EPC2: variants seen among roughly 807,000 people sequenced by gnomAD.
EPC2 encodes the protein enhancer of polycomb 2.
Under a neutral mutation model 92.1 loss-of-function variants are expected in EPC2, and 14 were observed. The observed-to-expected ratio is 0.15, with a 90% CI of 0.10 to 0.24. EPC2 has a LOEUF of 0.24. EPC2 is among the 10% of genes least tolerant of loss of function. The probability of loss-of-function intolerance (pLI) is 1.00; values close to 1 mark genes in which losing one functional copy is unlikely to be tolerated. For missense variants in EPC2, 755 were observed against 971.5 expected, an observed-to-expected ratio of 0.78 and a Z score of 2.96; for synonymous variants, 340 against 334.7, an observed-to-expected ratio of 1.02 and a Z score of -0.17.
chr2:148,710,850 T>G (rs765640586), intron 2 of EPC2, among the ~76,000 whole-genome samples: 59 of 152,074 alleles, frequency 3.9e-4, no homozygotes, highest in Non-Finnish European at 7.1e-4. Context: ...CTGTTGTGGG[T>G]TGGGGGGAGT....
chr2:148,739,388 G>T (rs889988452), intron 2 of EPC2, among the ~76,000 whole-genome samples: 1 of 151,908 alleles, frequency 6.6e-6, no homozygotes, highest in Non-Finnish European at 1.5e-5. Flanking sequence ...TTTTGGCCCT[G>T]GAAAATTTTC....
At chr2:148,701,667 T>G (rs1373254985) in intron 2 of EPC2, among the ~76,000 whole-genome samples, 5 of 152,212 alleles carry the variant, frequency 3.3e-5, no homozygotes, top group African/African-American at 1.2e-4. Context: ...TGTATGTTCA[T>G]GAGAGCTATT....
intron 4 of EPC2, among the ~76,000 whole-genome samples, chr2:148,757,047 G>GA (rs1316782541): frequency 6.6e-6 from 1 of 152,172 alleles, no homozygotes; most frequent in African/African-American, 2.4e-5. Flanking sequence ...TAGAAGAATA[G>GA]AAAAAATGTC....
At chr2:148,646,626 G>A (rs765928781) in intron 1 of EPC2, among the ~76,000 whole-genome samples, 1 of 149,090 alleles carries the variant, frequency 6.7e-6, no homozygotes, top group African/African-American at 2.5e-5. Context: ...TGTTTCTAAC[G>A]ACTCAGTTTT....
intron 1 of EPC2, among the ~76,000 whole-genome samples, chr2:148,646,442 A>C (rs888544869): frequency 6.6e-6 from 1 of 152,152 alleles, no homozygotes; most frequent in Non-Finnish European, 1.5e-5. Flanking sequence ...GGATGAACTT[A>C]ACTGTGTGTG....
At chr2:148,660,415 C>T (rs1680907614) in intron 1 of EPC2, among the ~76,000 whole-genome samples, 2 of 152,020 alleles carry the variant, frequency 1.3e-5, no homozygotes, top group South Asian at 4.1e-4. Flanking sequence ...TTTTCCAAAA[C>T]AAGAGAATTT....
At chr2:148,728,715 G>A (rs1682552304) in intron 2 of EPC2, among the ~76,000 whole-genome samples, 1 of 151,676 alleles carries the variant, frequency 6.6e-6, no homozygotes, top group African/African-American at 2.4e-5. Context: ...GGGTGACAAA[G>A]TGAGGCCTTT....
intron 1 of EPC2, among the ~76,000 whole-genome samples, chr2:148,675,843 G>A (rs1049992721): frequency 1.3e-5 from 2 of 152,202 alleles, no homozygotes; most frequent in Admixed American, 1.3e-4. Flanking sequence ...CATTCAGTCA[G>A]CTATCTTTAG....
intron 2 of EPC2, among the ~76,000 whole-genome samples, chr2:148,714,931 T>G (rs530393126): frequency 6.6e-6 from 1 of 152,238 alleles, no homozygotes; most frequent in East Asian, 1.9e-4. Flanking sequence ...ATTTGTCAAG[T>G]TTTGCTTTTG....
chr2:148,727,531 T>G (rs1682523404), intron 2 of EPC2, among the ~76,000 whole-genome samples: 1 of 152,160 alleles, frequency 6.6e-6, no homozygotes, highest in Non-Finnish European at 1.5e-5. Context: ...TTCTATGACA[T>G]ATTTATTATT....
At chr2:148,676,416 G>A (rs75866717) in intron 1 of EPC2, among the ~76,000 whole-genome samples, 2,136 of 151,672 alleles carry the variant, frequency 0.014, 51 homozygotes, top group African/African-American at 0.049. Flanking sequence ...CAATTAAAAT[G>A]CAATATTTTT....
At chr2:148,722,591 T>C (rs925834736) in intron 2 of EPC2, among the ~76,000 whole-genome samples, 1 of 152,184 alleles carries the variant, frequency 6.6e-6, no homozygotes, top group African/African-American at 2.4e-5. Context: ...GTAAATTAGT[T>C]CAGCCATTGT....
At chr2:148,777,507 T>C (rs1270536964) in intron 10 of EPC2, among the ~76,000 whole-genome samples, 3 of 149,396 alleles carry the variant, frequency 2.0e-5, no homozygotes, top group African/African-American at 7.3e-5. Flanking sequence ...TAGATTGTTC[T>C]TTTTGTTTGT....
intron 2 of EPC2, among the ~76,000 whole-genome samples, chr2:148,700,531 T>C (rs758110091): frequency 2.3e-4 from 27 of 119,640 alleles, no homozygotes; most frequent in Admixed American, 4.8e-4. Flanking sequence ...TTGTCAAAGA[T>C]CTTTTGTCAA....
intron 13 of EPC2, 114 bp from the exon 14 acceptor site, chr2:148,786,191 G>A: frequency 1.2e-6 from 1 of 843,198 alleles, no homozygotes; most frequent in South Asian, 2.0e-5. Flanking sequence ...AATTGTTCTT[G>A]TGAAGTCATG....
intron 2 of EPC2, among the ~76,000 whole-genome samples, chr2:148,726,765 G>GTTTTTTTTTTTTTTTT (rs201293391): frequency 5.0e-5 from 5 of 100,608 alleles, no homozygotes; most frequent in African/African-American, 1.6e-4. Context: ...TTTGTTTTTT[G>GTTTTTTTTTTTTTTTT]TTTTTTTTTT....
chr2:148,722,318 G>T (rs1682395444), intron 2 of EPC2, among the ~76,000 whole-genome samples: 1 of 152,108 alleles, frequency 6.6e-6, no homozygotes, highest in African/African-American at 2.4e-5. Flanking sequence ...CTCTTCTCCT[G>T]CATGGAAGAC....
At chr2:148,686,690 A>G (rs987593294) in intron 1 of EPC2, among the ~76,000 whole-genome samples, 1 of 152,252 alleles carries the variant, frequency 6.6e-6, no homozygotes, top group African/African-American at 2.4e-5. Context: ...GCATGAAAAT[A>G]GCATTAATCT....
chr2:148,735,170 A>G (rs78048297), intron 2 of EPC2, among the ~76,000 whole-genome samples: 9,129 of 152,064 alleles, frequency 0.06, 287 homozygotes, highest in East Asian at 0.1. Flanking sequence ...TTGTGGGCCT[A>G]TAAGTGGAAT....
Sources: allele counts gnomAD v4.1 joint callset (sites outside exome capture counted in the v4.1 genomes callset), GRCh38; gene constraint gnomAD v4.1.1; transcripts MANE v1.5; gene names NCBI Gene and HGNC (gene_info 2026-07-23, HGNC 2026-07-21).